The following PLCB4 variants were observed in gnomAD, a reference collection of about 807,000 sequenced individuals.
PLCB4 encodes 1-phosphatidylinositol 4,5-bisphosphate phosphodiesterase beta-4.
A neutral mutation model predicts 178.8 loss-of-function variants in PLCB4; 77 were observed. The ratio of observed to expected loss-of-function variants is 0.43; its 90% confidence interval spans 0.36 to 0.52. The LOEUF is 0.52. PLCB4 is among the 20% of genes least tolerant of loss of function. The pLI, the probability that PLCB4 is intolerant of heterozygous loss-of-function variation, is 0.00. For missense variants in PLCB4, 1,024 were observed against 1,453.4 expected, an observed-to-expected ratio of 0.70 and a Z score of 4.80; for synonymous variants, 496 against 490.8, an observed-to-expected ratio of 1.01 and a Z score of -0.14.
intron 3 of PLCB4, among the ~76,000 whole-genome samples, chr20:9,254,329 T>A (rs961377678): frequency 6.6e-6 from 1 of 152,178 alleles, no homozygotes; most frequent in Non-Finnish European, 1.5e-5. Flanking sequence ...AGTGTATAAA[T>A]CCTATGATAA....
chr20:9,092,505 C>T (rs1021860878), intron 1 of PLCB4, among the ~76,000 whole-genome samples: 6 of 151,966 alleles, frequency 3.9e-5, no homozygotes, highest in Non-Finnish European at 7.4e-5. Flanking sequence ...TAGGGTGCAT[C>T]GCAGTTAGTT....
At chr20:9,082,783 T>C (rs2090216142) in intron 1 of PLCB4, among the ~76,000 whole-genome samples, 1 of 152,156 alleles carries the variant, frequency 6.6e-6, no homozygotes, top group Non-Finnish European at 1.5e-5. Flanking sequence ...AGTTTCAAAG[T>C]AACTGGTTAA....
chr20:9,150,089 A>G (rs2092666467), intron 2 of PLCB4, among the ~76,000 whole-genome samples: 1 of 152,196 alleles, frequency 6.6e-6, no homozygotes, highest in Admixed American at 6.5e-5. Context: ...GCAAGGAATC[A>G]ATTCTTCAGT....
chr20:9,453,203 TG>T, intron 32 of PLCB4, 143 bp from the exon 33 acceptor site: 1 of 554,270 alleles, frequency 1.8e-6, no homozygotes, highest in East Asian at 2.9e-5. Flanking sequence ...ATGGGAGATC[TG>T]GAGTCTGTAC....
chr20:9,399,649 G>A (rs1267581338), intron 19 of PLCB4, among the ~76,000 whole-genome samples: 1 of 152,220 alleles, frequency 6.6e-6, no homozygotes, highest in Non-Finnish European at 1.5e-5. Context: ...GTGGTTATAG[G>A]TGTGTCTGTG....
intron 2 of PLCB4, among the ~76,000 whole-genome samples, chr20:9,124,060 A>C (rs946296406): frequency 6.6e-5 from 10 of 152,132 alleles, no homozygotes; most frequent in Admixed American, 2.0e-4. Context: ...TTGAAATATT[A>C]TTCTTCTTTT....
chr20:9,416,331 G>A (rs2040243385), intron 25 of PLCB4, among the ~76,000 whole-genome samples: 1 of 152,118 alleles, frequency 6.6e-6, no homozygotes, highest in Non-Finnish European at 1.5e-5. Context: ...TGGAAAGTGA[G>A]GAATCTCTGG....
intron 2 of PLCB4, among the ~76,000 whole-genome samples, chr20:9,112,884 C>CCTT (rs1555827621): frequency 6.6e-6 from 1 of 151,638 alleles, no homozygotes; most frequent in Admixed American, 6.6e-5. Flanking sequence ...TCCTCTTGCC[C>CCTT]TTTTTAAAAA....
chr20:9,212,831 C>A (rs1175244975), intron 2 of PLCB4, among the ~76,000 whole-genome samples: 1 of 152,084 alleles, frequency 6.6e-6, no homozygotes, highest in African/African-American at 2.4e-5. Context: ...TGTATTATAG[C>A]CTTTTTTTAA....
chr20:9,226,434 G>C (rs980471438), intron 3 of PLCB4, among the ~76,000 whole-genome samples: 4 of 152,146 alleles, frequency 2.6e-5, no homozygotes, highest in Non-Finnish European at 4.4e-5. Flanking sequence ...GAATGATTTT[G>C]GTGATTTTTA....
intron 3 of PLCB4, among the ~76,000 whole-genome samples, chr20:9,263,369 A>G (rs2094317526): frequency 6.6e-6 from 1 of 152,130 alleles, no homozygotes; most frequent in Non-Finnish European, 1.5e-5. Context: ...ATGATCTTTC[A>G]CCATCACTGT....
At chr20:9,217,203 A>G (rs1019395131) in intron 2 of PLCB4, among the ~76,000 whole-genome samples, 187 bp from the exon 3 acceptor site, 1 of 152,224 alleles carries the variant, frequency 6.6e-6, no homozygotes, top group East Asian at 1.9e-4. Context: ...TATAGCAGTA[A>G]TAATTCTGAT....
intron 1 of PLCB4, among the ~76,000 whole-genome samples, chr20:9,073,426 A>G (rs766408287): frequency 2.6e-5 from 4 of 152,138 alleles, no homozygotes; most frequent in Admixed American, 6.5e-5. Context: ...CCAAGTGACA[A>G]TTGGGGCAGG....
chr20:9,117,164 C>G (rs2091808140), intron 2 of PLCB4, among the ~76,000 whole-genome samples: 1 of 152,148 alleles, frequency 6.6e-6, no homozygotes, highest in Admixed American at 6.5e-5. Flanking sequence ...CTATATAATA[C>G]TTCATTCATC....
chr20:9,462,147 C>A (rs1346855740), intron 35 of PLCB4, among the ~76,000 whole-genome samples: 2 of 152,156 alleles, frequency 1.3e-5, no homozygotes, highest in Admixed American at 1.3e-4. Context: ...CTCCAGCAAA[C>A]TCCAACAGAC....
intron 2 of PLCB4, among the ~76,000 whole-genome samples, chr20:9,168,981 C>T (rs1600858031): frequency 6.6e-6 from 1 of 152,136 alleles, no homozygotes; most frequent in Non-Finnish European, 1.5e-5. Context: ...AAGCTCAAGT[C>T]TCCCTTTGCG....
At chr20:9,476,854 A>C (rs1603121704) in intron 39 of PLCB4, 101 bp downstream of exon 39, 2 of 775,258 alleles carry the variant, frequency 2.6e-6, no homozygotes, top group East Asian at 2.6e-5. Flanking sequence ...GGTCATAACT[A>C]ATATCTGAAG....
chr20:9,314,683 G>A (rs540483010), intron 4 of PLCB4, among the ~76,000 whole-genome samples: 1 of 152,108 alleles, frequency 6.6e-6, no homozygotes, highest in South Asian at 2.1e-4. Context: ...GAATAGAAAG[G>A]GAAGAACGTA....
At chr20:9,222,923 G>C (rs558593188) in intron 3 of PLCB4, among the ~76,000 whole-genome samples, 1 of 152,344 alleles carries the variant, frequency 6.6e-6, no homozygotes, top group South Asian at 2.1e-4. Flanking sequence ...GGTCCAGAGA[G>C]AGTGAGCTGA....
Sources: gnomAD v4.1 joint callset for allele counts (sites outside exome capture counted in the v4.1 genomes callset) on GRCh38, gnomAD v4.1.1 for gene constraint, MANE v1.5 for transcripts, NCBI Gene and HGNC (gene_info 2026-07-23, HGNC 2026-07-21) for gene names.